SLIT3: variants seen among roughly 807,000 people sequenced by gnomAD.
The protein encoded by SLIT3 is slit homolog 3 protein.
In SLIT3, 68 loss-of-function variants were observed where a neutral mutation model predicts 184.0. The observed-to-expected ratio is 0.37, with a 90% CI of 0.30 to 0.45. SLIT3 has a LOEUF of 0.45. SLIT3 is among the 20% of genes least tolerant of loss of function. The pLI, the probability that SLIT3 is intolerant of heterozygous loss-of-function variation, is 1.00. For synonymous variants in SLIT3, 831 were observed against 828.6 expected (o/e 1.00, Z -0.05); for missense variants, 1,707 against 2,026.0 (o/e 0.84, Z 3.02).
At position 168,838,307 on chromosome 5, in the gene SLIT3, A is replaced by C. The variant is rs565389196; in HGVS notation, c.557+6277T>G. On this transcript the variant is annotated intron_variant, in intron 6 of 35. Coordinates refer to ENST00000519560, the MANE Select transcript of SLIT3 (RefSeq NM_003062.4). The stretch of plus-strand genomic sequence containing the variant: ...AAGCATCAGTTTCCTGACTGGTGAA[A>C]TGCAGTTCCTAGGATGTGCCTCATA... Among the ~76,000 whole-genome samples the C allele has an allele frequency of 2.3e-3, 347 of 152,250 alleles. 1 individual carries two copies. The Middle Eastern group carries it at 0.027, about 12-fold the overall frequency.
At chr5:168,940,620 G>T (rs114602642) in intron 4 of SLIT3, among the ~76,000 whole-genome samples, 2,281 of 152,188 alleles carry the variant, frequency 0.015, 56 homozygotes, top group African/African-American at 0.051. Context: ...AGACAAGGAT[G>T]ATTTAGTCCC....
At chr5:169,161,259 T>C (rs766604358) in intron 4 of SLIT3, among the ~76,000 whole-genome samples, 4 of 152,364 alleles carry the variant, frequency 2.6e-5, no homozygotes, top group South Asian at 4.1e-4. Flanking sequence ...TTCAGAGCCC[T>C]GGCCATAGCC....
At chr5:168,706,170 C>G (rs1762366886) in intron 26 of SLIT3, among the ~76,000 whole-genome samples, 1 of 152,196 alleles carries the variant, frequency 6.6e-6, no homozygotes, top group Admixed American at 6.5e-5. Context: ...GACCACCATG[C>G]AAGGGTAAAG....
chr5:169,277,518 G>C (rs548370233), intron 1 of SLIT3, among the ~76,000 whole-genome samples: 3 of 152,204 alleles, frequency 2.0e-5, no homozygotes, highest in Admixed American at 1.3e-4. Context: ...GATTACAGAG[G>C]TGACCCACCA....
chr5:169,221,777 T>C (rs1764626589), intron 3 of SLIT3, among the ~76,000 whole-genome samples: 1 of 152,228 alleles, frequency 6.6e-6, no homozygotes, highest in Non-Finnish European at 1.5e-5. Flanking sequence ...CCAATGCCAA[T>C]GCACAGAGTG....
intron 8 of SLIT3, among the ~76,000 whole-genome samples, chr5:168,812,039 C>A (rs1218966379): frequency 6.6e-6 from 1 of 152,192 alleles, no homozygotes; most frequent in African/African-American, 2.4e-5. Flanking sequence ...ATAAAATATC[C>A]TGTCATTTGT....
At chr5:168,674,790 C>T (rs1212617211) in intron 32 of SLIT3, among the ~76,000 whole-genome samples, 1 of 152,090 alleles carries the variant, frequency 6.6e-6, no homozygotes, top group Non-Finnish European at 1.5e-5. Flanking sequence ...CCGTGCCTGG[C>T]TGGTTATGGG....
intron 4 of SLIT3, among the ~76,000 whole-genome samples, chr5:168,920,488 G>A (rs1027266655): frequency 3.3e-5 from 5 of 152,126 alleles, no homozygotes; most frequent in Admixed American, 1.3e-4. Context: ...ATCTCAGAAT[G>A]AATTATTCAC....
At chr5:169,239,796 G>T (rs1014479430) in intron 3 of SLIT3, among the ~76,000 whole-genome samples, 1 of 151,724 alleles carries the variant, frequency 6.6e-6, no homozygotes, top group African/African-American at 2.4e-5. Flanking sequence ...CCTTTCTTCT[G>T]TTCTGTTGTT....
intron 4 of SLIT3, chr5:169,120,069 C>G (rs1216525641): frequency 6.6e-6 from 1 of 152,190 alleles, no homozygotes; most frequent in Non-Finnish European, 1.5e-5. Context: ...CAAAATGGAA[C>G]AGAACCAAGA....
intron 26 of SLIT3, among the ~76,000 whole-genome samples, chr5:168,704,950 A>G (rs1476753372): frequency 1.3e-5 from 2 of 152,174 alleles, no homozygotes; most frequent in Non-Finnish European, 2.9e-5. Context: ...AATTTGATGC[A>G]ACCCTCAGTT....
intron 14 of SLIT3, among the ~76,000 whole-genome samples, chr5:168,767,952 T>G (rs1280532205): frequency 6.6e-6 from 1 of 152,106 alleles, no homozygotes. Flanking sequence ...GGGAAAGAGA[T>G]GTGGATACAG....
chr5:168,785,827 C>T (rs1043455416), intron 12 of SLIT3, 80 bp downstream of exon 12: 8 of 1,036,766 alleles, frequency 7.7e-6, no homozygotes, highest in Non-Finnish European at 1.2e-5. Flanking sequence ...AAAGAACTCT[C>T]CAGAGCATGG....
rs1234444416 is a variant in SLIT3 at position 168,920,928 on chromosome 5, T to A, written c.414-37592A>T. 2.0e-5 allele frequency among the ~76,000 whole-genome samples: 3 copies of A among 152,326 alleles called. No individual in the cohort carries two copies. In the East Asian group the frequency reaches 5.8e-4, roughly 29 times the overall value. Reference sequence around the variant, plus strand: ...CCACCACACATCGCTCATTCCTTCATTTATATCCTACGGGATAACTGCTTG... The same window carrying A: ...CCACCACACATCGCTCATTCCTTCAATTATATCCTACGGGATAACTGCTTG... On this transcript the variant is annotated intron_variant, in intron 4 of 35. Transcript: ENST00000519560.
chr5:168,904,919 C>T (rs966694850), intron 4 of SLIT3, among the ~76,000 whole-genome samples: 13 of 152,106 alleles, frequency 8.5e-5, no homozygotes, highest in South Asian at 8.3e-4. Context: ...GTAATCCTAG[C>T]GCTTTGGGAG....
intron 4 of SLIT3, among the ~76,000 whole-genome samples, chr5:169,180,918 T>C (rs1348909965): frequency 6.6e-6 from 1 of 152,158 alleles, no homozygotes; most frequent in Non-Finnish European, 1.5e-5. Flanking sequence ...TAACATGAAA[T>C]GAAAGTCCCT....
chr5:169,141,842 G>C (rs888194285), intron 4 of SLIT3, among the ~76,000 whole-genome samples: 3 of 151,682 alleles, frequency 2.0e-5, no homozygotes, highest in African/African-American at 7.3e-5. Context: ...ACAAGGTCAG[G>C]AGATCGAGAC....
intron 1 of SLIT3, among the ~76,000 whole-genome samples, chr5:169,294,515 G>A (rs1767445128): frequency 1.3e-5 from 2 of 152,368 alleles, no homozygotes; most frequent in East Asian, 1.9e-4. Flanking sequence ...CCACAGGCAG[G>A]CAAGGAAGTC....
intron 12 of SLIT3, among the ~76,000 whole-genome samples, chr5:168,775,086 G>A (rs1755697146): frequency 6.7e-6 from 1 of 150,060 alleles, no homozygotes; most frequent in Non-Finnish European, 1.5e-5. Context: ...CGCCCAGGCT[G>A]GAGTTCAATG....
Sources: gnomAD v4.1 joint callset for allele counts (sites outside exome capture counted in the v4.1 genomes callset) on GRCh38, gnomAD v4.1.1 for gene constraint, MANE v1.5 for transcripts, NCBI Gene and HGNC (gene_info 2026-07-23, HGNC 2026-07-21) for gene names.